Variants in GGA2 observed in about 807,000 individuals in gnomAD.
GGA2 encodes the protein ADP-ribosylation factor-binding protein GGA2.
In GGA2, 48 loss-of-function variants were observed where a neutral mutation model predicts 79.5. The ratio of observed to expected loss-of-function variants is 0.60; its 90% confidence interval spans 0.48 to 0.77. The LOEUF is 0.77. GGA2 is among the 30% of genes least tolerant of loss of function. GGA2 has a pLI of 0.00. For missense variants in GGA2, 770 were observed against 774.0 expected (o/e 0.99, Z 0.06); for synonymous variants, 317 against 302.0 (o/e 1.05, Z -0.51).
At chr16:23,524,352 T>G (rs1965188238), upstream of GGA2, 1 of 1,607,932 alleles carries the variant, frequency 6.2e-7, no homozygotes, top group African/African-American at 1.3e-5. Flanking sequence ...CGATCTCCAC[T>G]GCCCGAAACA....
chr16:23,471,476 G>C (rs556502233), intron 14 of GGA2, among the ~76,000 whole-genome samples: 1 of 151,968 alleles, frequency 6.6e-6, no homozygotes, highest in Non-Finnish European at 1.5e-5. Flanking sequence ...TAAACAAAAC[G>C]TGTGGAACAG....
intron 1 of GGA2, among the ~76,000 whole-genome samples, chr16:23,504,147 G>T (rs1964949978): frequency 1.3e-5 from 2 of 151,314 alleles, no homozygotes; most frequent in South Asian, 4.2e-4. Context: ...GAACAATCCA[G>T]GTTGGCACGA....
At chr16:23,504,869 C>T (rs936006318) in intron 1 of GGA2, among the ~76,000 whole-genome samples, 4 of 152,182 alleles carry the variant, frequency 2.6e-5, no homozygotes, top group Admixed American at 1.3e-4. Flanking sequence ...TCATTTCAAG[C>T]GTGCTACAGG....
intron 1 of GGA2, among the ~76,000 whole-genome samples, chr16:23,498,464 C>T (rs1964882766): frequency 6.6e-6 from 1 of 152,082 alleles, no homozygotes; most frequent in Admixed American, 6.5e-5. Context: ...CACAGTGTCT[C>T]ATGCCTGTAA....
chr16:23,472,340 C>T (rs895364717), intron 14 of GGA2, among the ~76,000 whole-genome samples: 2 of 151,312 alleles, frequency 1.3e-5, no homozygotes, highest in African/African-American at 4.9e-5. Flanking sequence ...ACTACAGGCG[C>T]CCACCACCAC....
intron 3 of GGA2, 113 bp from the exon 4 acceptor site, chr16:23,493,571 T>A: frequency 1.4e-6 from 1 of 725,986 alleles, no homozygotes; most frequent in Non-Finnish European, 2.5e-6. Flanking sequence ...TAACCCTGCC[T>A]CAAGCCTATG....
At chr16:23,474,063 C>A (rs757292595) in intron 14 of GGA2, among the ~76,000 whole-genome samples, 11 of 152,056 alleles carry the variant, frequency 7.2e-5, no homozygotes, top group Admixed American at 2.0e-4. Flanking sequence ...ACGGTAGGCA[C>A]CTTAATTAGC....
intron 4 of GGA2, 97 bp from the exon 5 acceptor site, chr16:23,491,897 G>T: frequency 1.3e-6 from 1 of 768,396 alleles, no homozygotes; most frequent in Non-Finnish European, 2.2e-6. Flanking sequence ...AGAGACACAA[G>T]CTCCCAGGCG....
upstream of GGA2, among the ~76,000 whole-genome samples, chr16:23,511,149 A>ATTTTGCTT (rs1965054051): frequency 6.7e-6 from 1 of 148,968 alleles, no homozygotes; most frequent in Admixed American, 6.7e-5. Flanking sequence ...TTTATTTTTT[A>ATTTTGCTT]TTTTTCTTTT....
upstream of GGA2, chr16:23,524,201 C>A: frequency 1.5e-6 from 1 of 665,292 alleles, no homozygotes; most frequent in Non-Finnish European, 2.7e-6. Context: ...TTGACAAAAA[C>A]GTGCCTGTGG....
At chr16:23,467,754 G>A (rs926385320) in intron 16 of GGA2, 54 bp from the exon 17 acceptor site, 2 of 856,832 alleles carry the variant, frequency 2.3e-6, no homozygotes, top group African/African-American at 1.6e-5. Flanking sequence ...CCCAGGAACA[G>A]GGGTCAATGT....
chr16:23,487,584 G>C (rs1002418372), intron 6 of GGA2, among the ~76,000 whole-genome samples: 1 of 152,110 alleles, frequency 6.6e-6, no homozygotes. Flanking sequence ...GCCTGGCACA[G>C]AGAAGTCACT....
chr16:23,491,892 C>T (rs1390732920), intron 4 of GGA2, 92 bp from the exon 5 acceptor site: 1 of 829,034 alleles, frequency 1.2e-6, no homozygotes, highest in Non-Finnish European at 2.0e-6. Context: ...GGCCCAGAGA[C>T]ACAAGCTCCC....
At chr16:23,511,423 T>C (rs1965061026), upstream of GGA2, among the ~76,000 whole-genome samples, 1 of 151,718 alleles carries the variant, frequency 6.6e-6, no homozygotes, top group Admixed American at 6.6e-5. Flanking sequence ...CCTCCCAAAG[T>C]GCTGGGATTA....
At chr16:23,482,527 A>G (rs1964661060) in intron 9 of GGA2, among the ~76,000 whole-genome samples, 4 of 152,104 alleles carry the variant, frequency 2.6e-5, no homozygotes. Flanking sequence ...TCCATTTCCC[A>G]TCGGCCTGGC....
At chr16:23,477,794 G>A (rs1175601970) in intron 13 of GGA2, among the ~76,000 whole-genome samples, 1 of 152,114 alleles carries the variant, frequency 6.6e-6, no homozygotes, top group Non-Finnish European at 1.5e-5. Context: ...CTTCCGCCAT[G>A]ACTGGGAGGC....
intron 11 of GGA2, 126 bp from the exon 12 acceptor site, chr16:23,479,037 G>A (rs773229216): frequency 3.2e-5 from 23 of 713,614 alleles, no homozygotes; most frequent in Non-Finnish European, 4.8e-5. Context: ...CTTACTGAAG[G>A]TCATGTGACT....
chr16:23,516,337 G>A (rs1294090246), intron 2 of GGA2, among the ~76,000 whole-genome samples: 1 of 152,064 alleles, frequency 6.6e-6, no homozygotes, highest in Non-Finnish European at 1.5e-5. Flanking sequence ...ATTTGGTGAG[G>A]CACTATCTAA....
chr16:23,485,812 C>A (rs1964704256), intron 8 of GGA2, among the ~76,000 whole-genome samples: 1 of 152,158 alleles, frequency 6.6e-6, no homozygotes, highest in Non-Finnish European at 1.5e-5. Context: ...CCAATCAGAA[C>A]AGAAAGCAAA....
Sources: allele counts gnomAD v4.1 joint callset (sites outside exome capture counted in the v4.1 genomes callset), GRCh38; gene constraint gnomAD v4.1.1; transcripts MANE v1.5; gene names NCBI Gene and HGNC (gene_info 2026-07-23, HGNC 2026-07-21).